Variants in RFX3 observed in about 807,000 individuals in gnomAD.
The protein encoded by RFX3 is transcription factor RFX3.
RFX3 carries 14 observed loss-of-function variants against 98.6 expected under a neutral mutation model. The ratio of observed to expected loss-of-function variants is 0.14; its 90% CI spans 0.09 to 0.22. RFX3 has a LOEUF of 0.22. Among genes scored for constraint, RFX3 ranks in the 10% least tolerant of loss-of-function variants. The probability of loss-of-function intolerance (pLI) is 1.00; values close to 1 mark genes in which losing one functional copy is unlikely to be tolerated. For synonymous variants in RFX3, 383 were observed against 328.4 expected (o/e 1.17, Z -1.80); for missense variants, 639 against 926.9 (o/e 0.69, Z 4.03).
intron 4 of RFX3, among the ~76,000 whole-genome samples, chr9:3,312,965 A>G (rs1830138831): frequency 1.3e-5 from 2 of 152,252 alleles, no homozygotes; most frequent in Admixed American, 6.5e-5. Context: ...AAAAGGCAGC[A>G]GAAACTTCTG....
chr9:3,457,913 T>C (rs777281141), intron 1 of RFX3, among the ~76,000 whole-genome samples: 4 of 152,126 alleles, frequency 2.6e-5, no homozygotes, highest in Non-Finnish European at 5.9e-5. Context: ...AATTGTAGGC[T>C]TCTATATTCC....
chr9:3,370,215 T>C (rs1837685088), intron 2 of RFX3, among the ~76,000 whole-genome samples: 1 of 151,032 alleles, frequency 6.6e-6, no homozygotes, highest in South Asian at 2.1e-4. Context: ...AAATGATCCC[T>C]AGAGCAAGTT....
Position 3,466,020 on chromosome 9 carries a change from G to C in RFX3, c.-9+59727C>G, listed in dbSNP as rs557948793. On this transcript the variant is annotated intron_variant, in intron 1 of 16. Coordinates refer to ENST00000617270, the MANE Select transcript of RFX3 (RefSeq NM_001282116.2). ...GTTGGAAAATAAGAGAGAAATACAA[G>C]ATTGGAAGTACAGAATTTATTCAAA... 3.9e-5 allele frequency among the ~76,000 whole-genome samples: 6 copies of C among 152,254 alleles called. No individual in the cohort carries two copies. In the South Asian group the frequency reaches 1.2e-3, roughly 32 times the overall value.
intron 4 of RFX3, among the ~76,000 whole-genome samples, chr9:3,322,351 C>T (rs995931270): frequency 4.6e-5 from 7 of 152,030 alleles, no homozygotes; most frequent in Non-Finnish European, 8.8e-5. Context: ...TAGTTTGTTG[C>T]CAGGCATTTT....
At chr9:3,353,037 G>A (rs559711240) in intron 2 of RFX3, among the ~76,000 whole-genome samples, 53 of 152,088 alleles carry the variant, frequency 3.5e-4, no homozygotes, top group South Asian at 1.5e-3. Context: ...ATGAGTTCAC[G>A]TCCTTTGTAG....
intron 14 of RFX3, among the ~76,000 whole-genome samples, chr9:3,256,579 G>C (rs956653505): frequency 6.6e-6 from 1 of 152,114 alleles, no homozygotes; most frequent in African/African-American, 2.4e-5. Flanking sequence ...TACTGGTTTA[G>C]GGACCACATT....
intron 1 of RFX3, among the ~76,000 whole-genome samples, chr9:3,451,469 A>C (rs1364640939): frequency 6.6e-6 from 1 of 152,202 alleles, no homozygotes; most frequent in Non-Finnish European, 1.5e-5. Context: ...GCTCAAGCCC[A>C]GGAGGTCGAG....
At chr9:3,336,034 T>C (rs1229927379) in intron 3 of RFX3, among the ~76,000 whole-genome samples, 1 of 152,220 alleles carries the variant, frequency 6.6e-6, no homozygotes, top group Non-Finnish European at 1.5e-5. Flanking sequence ...CTTTATTTTG[T>C]ATTTTACCAA....
At position 3,304,141 on chromosome 9, in the gene RFX3, C is replaced by T. The variant is rs1468726578; in HGVS notation, c.475-2521G>A. 3.3e-5 allele frequency among the ~76,000 whole-genome samples: 5 copies of T among 152,048 alleles called. No individual in the cohort carries two copies. The East Asian group carries it at 9.7e-4, about 29-fold the overall frequency. ...CTAAATACTCATGAAATCTTTAAGG[C>T]TTATTAATTAGTCCAATGGGATAAC... On this transcript the variant is annotated intron_variant, in intron 4 of 16. Transcript: ENST00000617270.
chr9:3,311,888 C>A (rs550510359), intron 4 of RFX3, among the ~76,000 whole-genome samples: 4 of 152,044 alleles, frequency 2.6e-5, no homozygotes, highest in Admixed American at 2.0e-4. Context: ...TGCCCACCCC[C>A]CTACTCCCCC....
chr9:3,314,023 G>A (rs1041813535), intron 4 of RFX3, among the ~76,000 whole-genome samples: 29 of 152,136 alleles, frequency 1.9e-4, no homozygotes, highest in Middle Eastern at 3.4e-3. Flanking sequence ...TACAGAGAAC[G>A]CCACAAAGAT....
chr9:3,243,561 T>A (rs1045291914), intron 15 of RFX3, among the ~76,000 whole-genome samples: 1 of 152,190 alleles, frequency 6.6e-6, no homozygotes, highest in Non-Finnish European at 1.5e-5. Flanking sequence ...CTTGTATATA[T>A]CTTGTTTATA....
intron 15 of RFX3, among the ~76,000 whole-genome samples, chr9:3,236,106 G>T (rs1819121938): frequency 6.6e-6 from 1 of 152,084 alleles, no homozygotes; most frequent in Non-Finnish European, 1.5e-5. Context: ...CCTCACTAAG[G>T]ATAGGGTACA....
rs1043313637 is a variant in RFX3 at position 3,396,098 on chromosome 9, T to C, written c.-8-502A>G. On this transcript the variant is annotated intron_variant, in intron 1 of 16. Coordinates refer to ENST00000617270, the MANE Select transcript of RFX3 (RefSeq NM_001282116.2). ...TACATGTGCACAATGTGCAGGTTAG[T>C]TACATATGTATACGTGTGCCATGTT... is the stretch of plus-strand genomic sequence containing the variant. 2.6e-5 allele frequency among the ~76,000 whole-genome samples: 4 copies of C among 152,084 alleles called. No homozygotes were observed. In the East Asian group the frequency reaches 7.7e-4, roughly 29 times the overall value.
In RFX3 at chr9:3,479,505, T is replaced by A. The variant is rs78440560; in HGVS notation, c.-9+46242A>T. On this transcript the variant is annotated intron_variant, in intron 1 of 16. Transcript: ENST00000617270. ...CTGTATTTCAGTACTTAAATGAGAG[T>A]GAAACAGATCTGTGAGACAGGAAAA... 1.8e-3 allele frequency among the ~76,000 whole-genome samples: 277 copies of A among 152,100 alleles called. 3 individuals are homozygous for A. The highest frequency in any genetic ancestry group is 0.013 in the Admixed American group (203 of 15,274).
intron 2 of RFX3, among the ~76,000 whole-genome samples, chr9:3,393,863 T>C (rs866213978): frequency 6.6e-6 from 1 of 152,028 alleles, no homozygotes; most frequent in Middle Eastern, 3.2e-3. Context: ...TGTTGAAAAA[T>C]TACCTATTGG....
rs749679725 is a variant in RFX3, at chr9:3,218,523, G to T, written c.*6519C>A. On this transcript the variant is annotated 3_prime_UTR_variant, in exon 17 of 17. Coordinates refer to ENST00000617270, the MANE Select transcript of RFX3 (RefSeq NM_001282116.2). ...TATTGTACAGTACACAATACAAATCGCCCACAAACTATTATTTAGCTCCTG... is the reference window on the plus strand; with the variant it reads ...TATTGTACAGTACACAATACAAATCTCCCACAAACTATTATTTAGCTCCTG... 3 of 151,878 alleles carry T rather than the reference G, an allele frequency of 2.0e-5. No individual in the cohort carries two copies. The allele number at this position is 151,878 out of a possible 1,614,324, so 9.4% of individuals were successfully genotyped here.
At chr9:3,502,303 T>A (rs1172746381) in intron 1 of RFX3, among the ~76,000 whole-genome samples, 2 of 151,968 alleles carry the variant, frequency 1.3e-5, no homozygotes, top group African/African-American at 4.8e-5. Flanking sequence ...CTACTACCAT[T>A]CACCTTTATA....
chr9:3,314,353 A>G (rs2130566827), intron 4 of RFX3, among the ~76,000 whole-genome samples: 1 of 152,358 alleles, frequency 6.6e-6, no homozygotes, highest in Middle Eastern at 3.4e-3. Context: ...GGCCTGCCTT[A>G]CAAGAGCTGC....
Sources: gnomAD v4.1 joint callset for allele counts (sites outside exome capture counted in the v4.1 genomes callset) on GRCh38, gnomAD v4.1.1 for gene constraint, MANE v1.5 for transcripts, NCBI Gene and HGNC (gene_info 2026-07-23, HGNC 2026-07-21) for gene names.